DPP10: variants seen among roughly 807,000 people sequenced by gnomAD.
DPP10 encodes the protein dipeptidyl peptidase like 10.
In DPP10, 33 loss-of-function variants were observed where a neutral mutation model predicts 120.9. That is an observed-to-expected ratio of 0.27 (90% CI 0.21 to 0.37). DPP10 has a LOEUF of 0.37. DPP10 is among the 10% of genes least tolerant of loss of function. DPP10 has a pLI of 1.00. For synonymous variants in DPP10, 337 were observed against 326.1 expected (o/e 1.03, Z -0.36); for missense variants, 816 against 942.8 (o/e 0.87, Z 1.76).
At position 115,736,435 on chromosome 2, in the gene DPP10, A is replaced by T. The variant is rs79887157; in HGVS notation, c.698-3304A>T. 1.4e-4 allele frequency among the ~76,000 whole-genome samples: 22 copies of T among 152,238 alleles called. No homozygotes were observed. The East Asian group carries it at 4.1e-3, about 28-fold the overall frequency. On this transcript the variant is annotated intron_variant, in intron 8 of 25. Coordinates refer to ENST00000410059, the MANE Select transcript of DPP10 (RefSeq NM_020868.6). ...CATGATAAAATTAGTAAATACCACC[A>T]CTGAGCCCATGGTGCTTTTTTGCCA...
chr2:114,454,939 C>T lies in DPP10; in HGVS notation c.60+12101C>T, dbSNP rs570774178. On this transcript the variant is annotated intron_variant, in intron 1 of 25. Coordinates refer to ENST00000410059, the MANE Select transcript of DPP10 (RefSeq NM_020868.6). ...TCAGTGTCTAGCATTATTCTTGACA[C>T]GGAATGAAGGCTCAAAAAGAACTTG... Among the ~76,000 whole-genome samples, 15 of 152,170 alleles carry T rather than the reference C, an allele frequency of 9.9e-5. 1 individual carries two copies. Among genetic ancestry groups the T allele is most frequent in the East Asian group, 5.8e-4 (3 of 5,182 alleles).
chr2:114,518,636 G>T (rs189297417), intron 1 of DPP10, among the ~76,000 whole-genome samples: 1 of 152,250 alleles, frequency 6.6e-6, no homozygotes, highest in African/African-American at 2.4e-5. Flanking sequence ...GTCCTCCCCG[G>T]CAGCATTGGC....
intron 3 of DPP10, among the ~76,000 whole-genome samples, chr2:115,442,097 C>T (rs1054229125): frequency 1.3e-5 from 2 of 152,064 alleles, no homozygotes; most frequent in African/African-American, 2.4e-5. Context: ...CAGACATGAG[C>T]CACTGCATCC....
chr2:115,004,347 A>T (rs1701655460), intron 1 of DPP10, among the ~76,000 whole-genome samples: 1 of 152,246 alleles, frequency 6.6e-6, no homozygotes, highest in African/African-American at 2.4e-5. Context: ...AGAAAAGACA[A>T]ATATCTAGGG....
intron 1 of DPP10, among the ~76,000 whole-genome samples, chr2:115,106,441 G>A (rs1304293871): frequency 1.3e-5 from 2 of 152,078 alleles, no homozygotes; most frequent in Non-Finnish European, 2.9e-5. Flanking sequence ...TGTTCTCTCT[G>A]TCTCTGTTTT....
intron 5 of DPP10, among the ~76,000 whole-genome samples, chr2:115,599,124 T>C (rs2083166677): frequency 6.6e-6 from 1 of 152,128 alleles, no homozygotes; most frequent in African/African-American, 2.4e-5. Flanking sequence ...CTTTTGACTT[T>C]GAACATTTTG....
At chr2:114,449,283 C>A (rs1256575711) in intron 1 of DPP10, among the ~76,000 whole-genome samples, 4 of 152,086 alleles carry the variant, frequency 2.6e-5, no homozygotes, top group Non-Finnish European at 5.9e-5. Context: ...TAGGGCATAA[C>A]TGGAAGTAGC....
At chr2:115,078,194 A>T (rs1707954477) in intron 1 of DPP10, among the ~76,000 whole-genome samples, 1 of 152,256 alleles carries the variant, frequency 6.6e-6, no homozygotes, top group Admixed American at 6.5e-5. Flanking sequence ...AATATTGTTA[A>T]ATTAAAATGA....
intron 3 of DPP10, among the ~76,000 whole-genome samples, chr2:115,350,665 A>T (rs954621033): frequency 6.6e-6 from 1 of 152,128 alleles, no homozygotes; most frequent in Non-Finnish European, 1.5e-5. Flanking sequence ...TAGCACAGCA[A>T]TGACTATTAG....
At chr2:115,381,147 T>C (rs567095702) in intron 3 of DPP10, among the ~76,000 whole-genome samples, 1 of 152,318 alleles carries the variant, frequency 6.6e-6, no homozygotes, top group African/African-American at 2.4e-5. Context: ...CTGCAGAGTA[T>C]TTTCCAACTT....
chr2:115,353,784 C>G (rs894275646), intron 3 of DPP10, among the ~76,000 whole-genome samples: 18 of 152,080 alleles, frequency 1.2e-4, no homozygotes, highest in Non-Finnish European at 2.4e-4. Context: ...CAGATTCACT[C>G]AGTAATAAGT....
At chr2:115,088,758 AAAAAAAAAAAACCAAAAAAC>A (rs1273849139) in intron 1 of DPP10, among the ~76,000 whole-genome samples, 5 of 149,866 alleles carry the variant, frequency 3.3e-5, no homozygotes, top group Non-Finnish European at 5.9e-5. Flanking sequence ...GACAAAAAAA[AAAAAAAAAAAACCAAAAAAC>A]AAAAAAAACC....
At chr2:114,537,275 C>T (rs1004848507) in intron 1 of DPP10, among the ~76,000 whole-genome samples, 3 of 151,818 alleles carry the variant, frequency 2.0e-5, no homozygotes, top group South Asian at 2.1e-4. Context: ...TATTTTAGTA[C>T]GTTTATTCAG....
intron 3 of DPP10, among the ~76,000 whole-genome samples, chr2:115,461,896 C>T (rs2074007914): frequency 1.3e-5 from 2 of 152,022 alleles, no homozygotes; most frequent in South Asian, 4.1e-4. Flanking sequence ...CTGTTTCTTT[C>T]TTCTCTTTCA....
chr2:115,050,782 G>T (rs905892450), intron 1 of DPP10, among the ~76,000 whole-genome samples: 1 of 152,162 alleles, frequency 6.6e-6, no homozygotes, highest in Admixed American at 6.5e-5. Flanking sequence ...GGCAGGGATG[G>T]TACACGGCCT....
intron 12 of DPP10, among the ~76,000 whole-genome samples, chr2:115,763,086 C>A (rs1233224320): frequency 1.3e-5 from 2 of 152,110 alleles, no homozygotes; most frequent in African/African-American, 4.8e-5. Flanking sequence ...GACTAAAAAC[C>A]TAATCACTGT....
intron 1 of DPP10, among the ~76,000 whole-genome samples, chr2:114,980,281 T>A (rs1700000846): frequency 6.6e-6 from 1 of 152,098 alleles, no homozygotes; most frequent in Non-Finnish European, 1.5e-5. Flanking sequence ...TACCTCTTTA[T>A]CCCTGCTAAG....
chr2:114,572,725 A>C (rs1689751541), intron 1 of DPP10, among the ~76,000 whole-genome samples: 1 of 152,234 alleles, frequency 6.6e-6, no homozygotes, highest in African/African-American at 2.4e-5. Flanking sequence ...TACATGTGCC[A>C]GCCATCGTGA....
At chr2:115,573,893 T>G (rs927238004) in intron 5 of DPP10, among the ~76,000 whole-genome samples, 1 of 152,154 alleles carries the variant, frequency 6.6e-6, no homozygotes, top group East Asian at 1.9e-4. Flanking sequence ...GTTATTCTCA[T>G]CTTCCTATTG....
Sources: allele counts gnomAD v4.1 joint callset (sites outside exome capture counted in the v4.1 genomes callset), GRCh38; gene constraint gnomAD v4.1.1; transcripts MANE v1.5; gene names NCBI Gene and HGNC (gene_info 2026-07-23, HGNC 2026-07-21).